NR3C1: variants seen among roughly 807,000 people sequenced by gnomAD.
NR3C1 encodes glucocorticoid receptor.
Under a neutral mutation model 74.0 loss-of-function variants are expected in NR3C1, and 14 were observed. The ratio of observed to expected loss-of-function variants is 0.19; its 90% confidence interval spans 0.12 to 0.30. The LOEUF is 0.30. NR3C1 is among the 10% of genes least tolerant of loss of function. The probability of loss-of-function intolerance (pLI) is 1.00; values close to 1 mark genes in which losing one functional copy is unlikely to be tolerated. For missense variants in NR3C1, 695 were observed against 909.8 expected (o/e 0.76, Z 3.04); for synonymous variants, 308 against 332.5 (o/e 0.93, Z 0.80).
At chr5:143,295,260 T>C (rs1816923806) in intron 7 of NR3C1, 200 bp downstream of exon 7, 2 of 985,280 alleles carry the variant, frequency 2.0e-6, no homozygotes, top group African/African-American at 3.5e-5. Context: ...TCTCTGTTTC[T>C]GCCATACCTA....
intron 2 of NR3C1, among the ~76,000 whole-genome samples, chr5:143,390,817 AT>A (rs1190891388): frequency 1.3e-5 from 2 of 152,210 alleles, no homozygotes; most frequent in African/African-American, 4.8e-5. Context: ...AGAGGATTAA[AT>A]TTCTAAATAT....
At chr5:143,284,166 G>A (rs752075606) in intron 7 of NR3C1, among the ~76,000 whole-genome samples, 6 of 151,896 alleles carry the variant, frequency 4.0e-5, no homozygotes, top group South Asian at 2.1e-4. Flanking sequence ...TGCCACTTCC[G>A]CCTCCCAGGT....
At chr5:143,364,023 G>A (rs1253300578) in intron 2 of NR3C1, among the ~76,000 whole-genome samples, 1 of 152,054 alleles carries the variant, frequency 6.6e-6, no homozygotes, top group Non-Finnish European at 1.5e-5. Context: ...CACATCTGAT[G>A]AAATACATCT....
Position 143,400,452 on chromosome 5 carries a change from T to G in NR3C1, c.388A>C (p.Asn130His), listed in dbSNP as rs1197425994. ...KLLEESIANLNRSTSVPENPK... is the reference protein window; with the variant it reads ...KLLEESIANLHRSTSVPENPK... ...TTCTCTGGAACACTGGTCGACCTAT[T>G]GAGGTTTGCAATGCTTTCTTCCAAA... Residue 130 changes from asparagine (N) to histidine (H), a missense_variant, in exon 2 of 9, where the codon AAT (asparagine) becomes CAT (histidine). Physicochemically the swap from Asn to His is moderately conservative, Grantham distance 68. Transcript: ENST00000394464. The G allele has an allele frequency of 3.7e-6, 6 of 1,614,076 alleles. No individual in the cohort carries two copies. In the East Asian group the frequency reaches 1.1e-4, roughly 30 times the overall value.
At chr5:143,347,754 T>C (rs1829558069) in intron 2 of NR3C1, among the ~76,000 whole-genome samples, 1 of 152,250 alleles carries the variant, frequency 6.6e-6, no homozygotes, top group Admixed American at 6.5e-5. Flanking sequence ...TTCAGGCAGG[T>C]AACAGCTCTA....
At chr5:143,391,030 G>A (rs1466626597) in intron 2 of NR3C1, among the ~76,000 whole-genome samples, 1 of 151,712 alleles carries the variant, frequency 6.6e-6, no homozygotes, top group Non-Finnish European at 1.5e-5. Context: ...ATTTATTTTG[G>A]GTTTTCTGTT....
At chr5:143,317,780 C>CATG (rs773015054) in intron 2 of NR3C1, among the ~76,000 whole-genome samples, 90 of 152,304 alleles carry the variant, frequency 5.9e-4, no homozygotes, top group Non-Finnish European at 8.5e-4. Context: ...TACACCCATT[C>CATG]ATTCAGGCAG....
intron 2 of NR3C1, among the ~76,000 whole-genome samples, chr5:143,322,820 T>C (rs1823661320): frequency 6.6e-6 from 1 of 152,208 alleles, no homozygotes; most frequent in Admixed American, 6.5e-5. Context: ...ATTCTCACAT[T>C]AACTTGAGAA....
chr5:143,419,480 G>A (rs112847143), intron 1 of NR3C1, among the ~76,000 whole-genome samples: 4,910 of 152,186 alleles, frequency 0.032, 284 homozygotes, highest in African/African-American at 0.11. Context: ...TTCCCTAAGC[G>A]TCAGCCAGTT....
chr5:143,405,787 A>T (rs1378572461), upstream of NR3C1, among the ~76,000 whole-genome samples: 1 of 152,188 alleles, frequency 6.6e-6, no homozygotes, highest in Non-Finnish European at 1.5e-5. Flanking sequence ...CCCAGAAGGC[A>T]GACTCCGCTT....
At position 143,400,459 on chromosome 5, in the gene NR3C1, T is replaced by C. The variant is rs1840056655; in HGVS notation, c.381A>G (p.Ala127=). The C allele has an allele frequency of 6.2e-7, 1 of 1,614,112 alleles. No individual in the cohort carries two copies. Among genetic ancestry groups the C allele is most frequent in the African/African-American group, 1.3e-5 (1 of 74,934 alleles). Residue 127 remains alanine, a synonymous_variant, in exon 2 of 9, where the codon GCA becomes GCG. Transcript: ENST00000394464. ...TDLKLLEESI[A]NLNRSTSVPE... ...GAACACTGGTCGACCTATTGAGGTT[T>C]GCAATGCTTTCTTCCAAAAGCTTTA...
At chr5:143,406,419 A>C (rs1262744716), upstream of NR3C1, among the ~76,000 whole-genome samples, 1 of 152,212 alleles carries the variant, frequency 6.6e-6, no homozygotes, top group Non-Finnish European at 1.5e-5. Context: ...AAAAAAAAAA[A>C]AAAACTTATC....
chr5:143,285,921 G>A, intron 7 of NR3C1, among the ~76,000 whole-genome samples: 1 of 149,806 alleles, frequency 6.7e-6, no homozygotes, highest in Admixed American at 6.7e-5. Flanking sequence ...AGACCAAGCT[G>A]GTTCTATGAA....
chr5:143,404,433 G>A, upstream of NR3C1: 1 of 985,516 alleles, frequency 1.0e-6, no homozygotes, highest in African/African-American at 1.7e-5. Flanking sequence ...TCATCTGGGC[G>A]GCCGGGTCTT....
intron 2 of NR3C1, chr5:143,332,480 G>C: frequency 1.8e-6 from 1 of 544,414 alleles, no homozygotes; most frequent in Non-Finnish European, 3.2e-6. Context: ...TGAGTTGATA[G>C]GTACAGCAAA....
chr5:143,342,984 G>A (rs1295677540), intron 2 of NR3C1, among the ~76,000 whole-genome samples: 1 of 152,146 alleles, frequency 6.6e-6, no homozygotes. Flanking sequence ...AGCTCTTTTA[G>A]GGGAACCCAA....
At chr5:143,355,483 T>C (rs952965594) in intron 2 of NR3C1, among the ~76,000 whole-genome samples, 1 of 151,778 alleles carries the variant, frequency 6.6e-6, no homozygotes, top group East Asian at 1.9e-4. Context: ...CTTTAAAAAA[T>C]AATAAATAAA....
chr5:143,434,513 G>C, intron 1 of NR3C1: 1 of 983,028 alleles, frequency 1.0e-6, no homozygotes. Flanking sequence ...TATAGAATGG[G>C]AATAAAAATA....
chr5:143,305,234 G>A (rs956510036), intron 4 of NR3C1, among the ~76,000 whole-genome samples: 2 of 152,152 alleles, frequency 1.3e-5, no homozygotes, highest in Non-Finnish European at 2.9e-5. Context: ...CTCAAAAAAA[G>A]ACATACGTGT....
Sources: gnomAD v4.1 joint callset for allele counts (sites outside exome capture counted in the v4.1 genomes callset) on GRCh38, gnomAD v4.1.1 for gene constraint, MANE v1.5 for transcripts, NCBI Gene and HGNC (gene_info 2026-07-23, HGNC 2026-07-21) for gene names.